CTNND2: variants seen among roughly 807,000 people sequenced by gnomAD.
CTNND2 encodes catenin delta 2.
A neutral mutation model predicts 144.4 loss-of-function variants in CTNND2; 22 were observed. The ratio of observed to expected loss-of-function variants is 0.15; its 90% CI spans 0.11 to 0.22. The LOEUF (loss-of-function observed/expected upper bound fraction) is 0.22. CTNND2 is among the 10% of genes least tolerant of loss of function. CTNND2 has a pLI of 1.00. For synonymous variants in CTNND2, 751 were observed against 695.6 expected (o/e 1.08, Z -1.25); for missense variants, 1,353 against 1,618.8 (o/e 0.84, Z 2.82).
At chr5:11,685,361 T>C (rs1022167352) in intron 2 of CTNND2, among the ~76,000 whole-genome samples, 1 of 152,212 alleles carries the variant, frequency 6.6e-6, no homozygotes, top group African/African-American at 2.4e-5. Context: ...CTACAGGTAG[T>C]TCACAATCTC....
intron 1 of CTNND2, among the ~76,000 whole-genome samples, chr5:11,778,428 G>A (rs1434552567): frequency 6.6e-6 from 1 of 152,096 alleles, no homozygotes; most frequent in Non-Finnish European, 1.5e-5. Context: ...CTCCAACCAG[G>A]TGACATTGTC....
intron 2 of CTNND2, among the ~76,000 whole-genome samples, chr5:11,723,525 C>A (rs553055055): frequency 2.6e-4 from 40 of 152,228 alleles, no homozygotes; most frequent in African/African-American, 9.6e-4. Flanking sequence ...GGAAATGAGA[C>A]CCCTGCACCA....
At chr5:11,567,867 G>A (rs1223371760) in intron 2 of CTNND2, among the ~76,000 whole-genome samples, 2 of 152,108 alleles carry the variant, frequency 1.3e-5, no homozygotes, top group East Asian at 3.9e-4. Context: ...TTTCAACACA[G>A]ACATTTTCAT....
chr5:11,280,652 T>C (rs146973718), intron 9 of CTNND2, among the ~76,000 whole-genome samples: 5 of 152,278 alleles, frequency 3.3e-5, no homozygotes, highest in East Asian at 3.9e-4. Context: ...CTTCGACATA[T>C]ACATTTTTTG....
chr5:11,125,835 G>A (rs902574521), intron 12 of CTNND2, among the ~76,000 whole-genome samples: 2 of 152,174 alleles, frequency 1.3e-5, no homozygotes, highest in African/African-American at 4.8e-5. Context: ...GTGACCATTT[G>A]GTGTTTATCA....
chr5:11,191,109 C>CA (rs1205049294), intron 11 of CTNND2, among the ~76,000 whole-genome samples: 1 of 152,150 alleles, frequency 6.6e-6, no homozygotes, highest in African/African-American at 2.4e-5. Flanking sequence ...GGGCCTAGAG[C>CA]AGGAGCAAGC....
intron 9 of CTNND2, among the ~76,000 whole-genome samples, chr5:11,267,980 G>A (rs1184661009): frequency 6.6e-6 from 1 of 152,160 alleles, no homozygotes; most frequent in African/African-American, 2.4e-5. Flanking sequence ...GGAGGCAGAT[G>A]GAACAAACCA....
chr5:11,114,546 A>G (rs1458275420), intron 13 of CTNND2, among the ~76,000 whole-genome samples: 2 of 152,202 alleles, frequency 1.3e-5, no homozygotes, highest in African/African-American at 4.8e-5. Context: ...TTGGGATCCT[A>G]GCAGGAGGGT....
chr5:11,887,420 C>T (rs1473521936), intron 1 of CTNND2, among the ~76,000 whole-genome samples: 2 of 151,374 alleles, frequency 1.3e-5, no homozygotes, highest in African/African-American at 4.9e-5. Context: ...AATAATAATT[C>T]TAAAATATTA....
intron 10 of CTNND2, among the ~76,000 whole-genome samples, chr5:11,203,365 A>G (rs960619463): frequency 2.6e-5 from 4 of 152,282 alleles, no homozygotes; most frequent in Non-Finnish European, 4.4e-5. Context: ...TTGTTAACAT[A>G]TGATCATTGC....
At position 11,865,908 on chromosome 5, in the gene CTNND2, A is replaced by AAAAAAAAAAC. The variant is rs796967785; in HGVS notation, c.37+37908_37+37909insGTTTTTTTTT. ...CTTTAGAAGCTGGAAGAGACAAAAA[A>AAAAAAAAAAC]AAAAAAACGAGTTCTCCTCTAGAGC... On this transcript the variant is annotated intron_variant, in intron 1 of 21. Transcript: ENST00000304623. Among the ~76,000 whole-genome samples the AAAAAAAAAAC allele has an allele frequency of 7.4e-5, 11 of 149,200 alleles. 1 individual carries two copies. Among genetic ancestry groups the AAAAAAAAAAC allele is most frequent in the Middle Eastern group, 6.9e-3 (2 of 288 alleles).
At chr5:11,254,337 C>T (rs1478316863) in intron 9 of CTNND2, among the ~76,000 whole-genome samples, 3 of 152,204 alleles carry the variant, frequency 2.0e-5, no homozygotes, top group South Asian at 2.1e-4. Context: ...CCTATCCTGG[C>T]TGTGGTTCTC....
chr5:11,595,233 T>C (rs563365884), intron 2 of CTNND2, among the ~76,000 whole-genome samples: 41 of 152,268 alleles, frequency 2.7e-4, no homozygotes, highest in South Asian at 8.3e-4. Flanking sequence ...CAAACAATGC[T>C]GGACTTTTGC....
At chr5:11,893,281 T>C (rs1737130029) in intron 1 of CTNND2, among the ~76,000 whole-genome samples, 1 of 152,204 alleles carries the variant, frequency 6.6e-6, no homozygotes, top group Admixed American at 6.5e-5. Flanking sequence ...CCATCTCAGT[T>C]GGAAATCCAT....
intron 2 of CTNND2, among the ~76,000 whole-genome samples, chr5:11,612,678 T>C (rs1375655216): frequency 6.6e-6 from 1 of 152,114 alleles, no homozygotes; most frequent in Non-Finnish European, 1.5e-5. Context: ...GGTGGGAGGA[T>C]TGCTTGAGCC....
chr5:11,528,807 T>C (rs1773487937), intron 3 of CTNND2, among the ~76,000 whole-genome samples: 1 of 152,226 alleles, frequency 6.6e-6, no homozygotes, highest in Non-Finnish European at 1.5e-5. Context: ...GGCCTTCCAG[T>C]GGGGCAGGCA....
At chr5:11,341,693 C>T (rs548512820) in intron 9 of CTNND2, among the ~76,000 whole-genome samples, 1 of 152,256 alleles carries the variant, frequency 6.6e-6, no homozygotes, top group South Asian at 2.1e-4. Context: ...AAAAAATATT[C>T]TTCAAGTCTT....
At chr5:11,777,462 C>T (rs1790319156) in intron 1 of CTNND2, among the ~76,000 whole-genome samples, 1 of 152,200 alleles carries the variant, frequency 6.6e-6, no homozygotes, top group Non-Finnish European at 1.5e-5. Context: ...CATTCATCTG[C>T]TTAACTTCAG....
chr5:11,373,139 C>G (rs1757613304), intron 7 of CTNND2, among the ~76,000 whole-genome samples: 2 of 152,252 alleles, frequency 1.3e-5, no homozygotes, highest in South Asian at 4.1e-4. Flanking sequence ...CTGATCTTAG[C>G]TACAGTTGTC....
Sources: allele counts gnomAD v4.1 joint callset (sites outside exome capture counted in the v4.1 genomes callset), GRCh38; gene constraint gnomAD v4.1.1; transcripts MANE v1.5; gene names NCBI Gene and HGNC (gene_info 2026-07-23, HGNC 2026-07-21).